Variants in EFNA5 observed in about 807,000 individuals in gnomAD.
EFNA5 encodes the protein ephrin A5, also known as ephrin-A5.
EFNA5 carries 5 observed loss-of-function variants against 22.9 expected under a neutral mutation model. That is an observed-to-expected ratio of 0.22 (90% CI 0.11 to 0.46). The LOEUF is 0.46. EFNA5 is among the 20% of genes least tolerant of loss of function. The probability of loss-of-function intolerance (pLI) is 0.99; values close to 1 mark genes in which losing one functional copy is unlikely to be tolerated. For missense variants in EFNA5, 237 were observed against 293.3 expected, an observed-to-expected ratio of 0.81 and a Z score of 1.40; for synonymous variants, 113 against 112.2, an observed-to-expected ratio of 1.01 and a Z score of -0.04.
At chr5:107,423,885 T>C (rs1055062249) in intron 2 of EFNA5, among the ~76,000 whole-genome samples, 10 of 152,226 alleles carry the variant, frequency 6.6e-5, no homozygotes, top group African/African-American at 2.4e-4. Flanking sequence ...TGTTTTATTT[T>C]TAAAGTAAAT....
At position 107,569,531 on chromosome 5, in the gene EFNA5, TTATA is replaced by T. The variant is rs1163972447; in HGVS notation, c.125+100954_125+100957del. On this transcript the variant is annotated intron_variant, in intron 1 of 4. Transcript: ENST00000333274. ...TATTTATATATGTGTGTATATATAT[TTATA>T]TATATATGTGTGTATATATATATTT... Among the ~76,000 whole-genome samples the T allele has an allele frequency of 5.5e-4, 67 of 121,586 alleles. 2 individuals carry two copies. Among genetic ancestry groups the T allele is most frequent in the African/African-American group, 1.3e-3 (42 of 32,332 alleles). 79.8% of individuals were successfully genotyped at this position (121,586 alleles called of 152,430 possible).
chr5:107,481,256 T>C (rs1750452010), intron 1 of EFNA5, among the ~76,000 whole-genome samples: 1 of 152,154 alleles, frequency 6.6e-6, no homozygotes, highest in Non-Finnish European at 1.5e-5. Context: ...CAACACTGAA[T>C]ACAGGAGTGA....
chr5:107,622,835 C>T (rs1465315855), intron 1 of EFNA5, among the ~76,000 whole-genome samples: 2 of 151,432 alleles, frequency 1.3e-5, no homozygotes, highest in Admixed American at 6.6e-5. Flanking sequence ...TCCTGGCTAA[C>T]GAGGTGAAAC....
In EFNA5 at chr5:107,387,716, C is replaced by T. The variant is rs1418438045; in HGVS notation, c.474G>A (p.Val158=). 1.1e-5 allele frequency: 18 copies of T among 1,612,596 alleles called. No individual in the cohort carries two copies. Among genetic ancestry groups the T allele is most frequent in the Non-Finnish European group, 1.4e-5 (16 of 1,179,022 alleles). ...RRSCLKLKVF[V]RPTNSCMKTI... ...TTCTAGTGAACTTACTTGTTGGTCT[C>T]ACAAAGACTTTGAGCTTTAGACAGG... The change falls in exon 3 of 5, where the codon GTG becomes GTA. Residue 158 remains valine (V), a synonymous_variant. Coordinates refer to ENST00000333274, the MANE Select transcript of EFNA5 (RefSeq NM_001962.3).
rs562238297 is a variant in EFNA5, at chr5:107,405,772, T to C, written c.419-18001A>G. Among the ~76,000 whole-genome samples the C allele has an allele frequency of 6.7e-4, 102 of 152,012 alleles. 1 individual carries two copies. The highest frequency in any genetic ancestry group is 2.3e-3 in the African/African-American group (94 of 41,478). On this transcript the variant is annotated intron_variant, in intron 2 of 4. Transcript: ENST00000333274. ...TGACTCAGAGTGAAATCCCAGATCC[T>C]TACCATGGTCTATGATGAACCGCCC...
intron 1 of EFNA5, among the ~76,000 whole-genome samples, chr5:107,597,558 C>T (rs544967042): frequency 6.6e-6 from 1 of 152,102 alleles, no homozygotes; most frequent in Non-Finnish European, 1.5e-5. Context: ...AAAAATATTA[C>T]TTTTCACAAA....
chr5:107,622,957 C>G (rs1399714617), intron 1 of EFNA5, among the ~76,000 whole-genome samples: 143 of 128,656 alleles, frequency 1.1e-3, no homozygotes, highest in African/African-American at 3.8e-3. Context: ...GGAAGCGGAG[C>G]TTGCAGTGAG....
Position 107,610,996 on chromosome 5 carries a change from A to G in EFNA5, c.125+59493T>C, listed in dbSNP as rs537246092. Among the ~76,000 whole-genome samples, 6 of 152,324 alleles carry G rather than the reference A, an allele frequency of 3.9e-5. No individual in the cohort carries two copies. The South Asian group carries it at 6.2e-4, about 16-fold the overall frequency. ...GTTCAGAGACACTCATGATGACTCA[A>G]TGGAGAATCAGGCGACCTGGGCATT... On this transcript the variant is annotated intron_variant, in intron 1 of 4. Transcript: ENST00000333274.
intron 1 of EFNA5, among the ~76,000 whole-genome samples, chr5:107,526,568 T>C (rs1747699195): frequency 6.6e-6 from 1 of 152,240 alleles, no homozygotes; most frequent in African/African-American, 2.4e-5. Flanking sequence ...ATCATCTTTA[T>C]ATGTGCTTTT....
chr5:107,573,716 G>C (rs532107533), intron 1 of EFNA5, among the ~76,000 whole-genome samples: 3 of 152,242 alleles, frequency 2.0e-5, no homozygotes, highest in South Asian at 2.1e-4. Flanking sequence ...ATGGTTTAGA[G>C]AGTTCAACCC....
chr5:107,387,151 T>C (rs1747646824), intron 4 of EFNA5, 84 bp downstream of exon 4: 4 of 907,916 alleles, frequency 4.4e-6, no homozygotes, highest in South Asian at 3.5e-5. Context: ...CATGCAAACA[T>C]GCAGAGAAGA....
intron 2 of EFNA5, among the ~76,000 whole-genome samples, chr5:107,399,686 A>T (rs1447891744): frequency 2.0e-5 from 3 of 152,194 alleles, no homozygotes; most frequent in African/African-American, 7.2e-5. Context: ...CAGCAAGTTA[A>T]AGCACCTCAG....
chr5:107,388,535 C>T (rs1039308122), intron 2 of EFNA5: 1 of 151,638 alleles, frequency 6.6e-6, no homozygotes, highest in African/African-American at 2.4e-5. Flanking sequence ...GAGGAAGAAA[C>T]TTTCTTCTCC....
At chr5:107,597,566 A>G (rs1749499492) in intron 1 of EFNA5, among the ~76,000 whole-genome samples, 1 of 152,186 alleles carries the variant, frequency 6.6e-6, no homozygotes. Flanking sequence ...TACTTTTCAC[A>G]AACAAAAAAC....
intron 1 of EFNA5, among the ~76,000 whole-genome samples, chr5:107,570,639 A>G (rs971341641): frequency 7.0e-6 from 1 of 142,246 alleles, no homozygotes; most frequent in Non-Finnish European, 1.5e-5. Flanking sequence ...TAAAATGAAA[A>G]AGTGTGTGTG....
At chr5:107,547,835 A>G (rs1561429035) in intron 1 of EFNA5, among the ~76,000 whole-genome samples, 2 of 152,232 alleles carry the variant, frequency 1.3e-5, no homozygotes, top group Non-Finnish European at 2.9e-5. Flanking sequence ...TTGGTAAAAT[A>G]GCTTAACTAA....
chr5:107,612,357 C>T (rs1395081890), intron 1 of EFNA5, among the ~76,000 whole-genome samples: 2 of 151,960 alleles, frequency 1.3e-5, no homozygotes, highest in Middle Eastern at 3.2e-3. Flanking sequence ...TCAGGTAAGA[C>T]CATCTTATAT....
chr5:107,560,164 T>A (rs1211044461), intron 1 of EFNA5, among the ~76,000 whole-genome samples: 1 of 152,240 alleles, frequency 6.6e-6, no homozygotes. Context: ...TGCTTTTACA[T>A]TAAAGGGCTA....
intron 2 of EFNA5, among the ~76,000 whole-genome samples, chr5:107,398,346 T>G (rs1747984194): frequency 6.6e-6 from 1 of 152,198 alleles, no homozygotes; most frequent in African/African-American, 2.4e-5. Context: ...GATCTGTTTC[T>G]GTCTCCTTAC....
Sources: gnomAD v4.1 joint callset for allele counts (sites outside exome capture counted in the v4.1 genomes callset) on GRCh38, gnomAD v4.1.1 for gene constraint, MANE v1.5 for transcripts, NCBI Gene and HGNC (gene_info 2026-07-23, HGNC 2026-07-21) for gene names.